The following RAPGEF2 variants were observed in gnomAD, a reference collection of about 807,000 sequenced individuals.
The protein encoded by RAPGEF2 is PDZ domain containing guanine nucleotide exchange factor (GEF) 1.
Under a neutral mutation model 186.7 loss-of-function variants are expected in RAPGEF2, and 54 were observed. The ratio of observed to expected loss-of-function variants is 0.29; its 90% CI spans 0.23 to 0.36. RAPGEF2 has a LOEUF of 0.36. Ranked by LOEUF, RAPGEF2 falls within the 10% of genes least tolerant of loss-of-function variation. The pLI is 1.00. For synonymous variants in RAPGEF2, 712 were observed against 705.9 expected (o/e 1.01, Z -0.14); for missense variants, 1,532 against 2,045.0 (o/e 0.75, Z 4.84).
In RAPGEF2 at chr4:159,345,181, T is replaced by C. The variant is rs1357713168; in HGVS notation, c.3354T>C (p.Arg1118=). The change falls in exon 24 of 30, where the codon CGT becomes CGC. Residue 1118 remains arginine, a synonymous_variant. Transcript: ENST00000691494. ...AQTGGHKKRV[R]RSSFLNAKKL... ...CAGGTGGTCATAAAAAGCGGGTACG[T>C]CGTAGTTCCTTTCTCAATGCCAAAA... 1 of 1,614,034 alleles carries C rather than the reference T, an allele frequency of 6.2e-7. No homozygotes were observed. Among genetic ancestry groups the C allele is most frequent in the East Asian group, 2.2e-5 (1 of 44,898 alleles).
chr4:159,110,505 G>T (rs1738380603), intron 1 of RAPGEF2, among the ~76,000 whole-genome samples: 3 of 152,170 alleles, frequency 2.0e-5, no homozygotes, highest in South Asian at 4.1e-4. Flanking sequence ...TTGAACCCTG[G>T]AGGCAGAGGT....
At chr4:159,215,168 T>C (rs976648219) in intron 4 of RAPGEF2, among the ~76,000 whole-genome samples, 1 of 151,202 alleles carries the variant, frequency 6.6e-6, no homozygotes, top group Non-Finnish European at 1.5e-5. Context: ...TTTTTTGTTG[T>C]TGTTGTTTGT....
chr4:159,345,026 A>G, intron 23 of RAPGEF2, 80 bp from the exon 24 acceptor site: 4 of 1,134,352 alleles, frequency 3.5e-6, no homozygotes, highest in East Asian at 4.7e-5. Flanking sequence ...TAGACTATTA[A>G]TATCAGTCTT....
At chr4:159,113,496 T>C (rs1056811593) in intron 1 of RAPGEF2, among the ~76,000 whole-genome samples, 1 of 152,132 alleles carries the variant, frequency 6.6e-6, no homozygotes, top group Admixed American at 6.5e-5. Context: ...ATCCCTGCAC[T>C]TTGGAAGACT....
chr4:159,137,413 G>A (rs1229808351), intron 1 of RAPGEF2, among the ~76,000 whole-genome samples: 1 of 152,096 alleles, frequency 6.6e-6, no homozygotes, highest in Non-Finnish European at 1.5e-5. Flanking sequence ...CTCTCCTCTT[G>A]TATAAGAACA....
intron 7 of RAPGEF2, among the ~76,000 whole-genome samples, chr4:159,304,116 C>T (rs1208146063): frequency 6.6e-6 from 1 of 152,060 alleles, no homozygotes; most frequent in African/African-American, 2.4e-5. Context: ...CTATTTAAGA[C>T]ATTGAATTTA....
intron 2 of RAPGEF2, among the ~76,000 whole-genome samples, chr4:159,190,455 A>G (rs937316226): frequency 6.6e-6 from 1 of 152,224 alleles, no homozygotes; most frequent in Non-Finnish European, 1.5e-5. Context: ...TGGAGGATGT[A>G]TTTTGGAAAC....
At chr4:159,331,600 G>A (rs375696327) in intron 14 of RAPGEF2, 30 bp from the exon 15 acceptor site, 52 of 1,612,686 alleles carry the variant, frequency 3.2e-5, no homozygotes, top group Non-Finnish European at 4.4e-5. Flanking sequence ...CTGTTCTTGA[G>A]TTGACACTAC....
At chr4:159,210,353 T>A in intron 3 of RAPGEF2, 147 bp from the exon 4 acceptor site, 3 of 535,824 alleles carry the variant, frequency 5.6e-6, no homozygotes, top group South Asian at 3.2e-5. Context: ...TTTCAGTAGT[T>A]GAATAATGGT....
intron 1 of RAPGEF2, among the ~76,000 whole-genome samples, chr4:159,106,413 TA>T (rs535533436): frequency 9.4e-5 from 14 of 149,380 alleles, no homozygotes; most frequent in African/African-American, 2.5e-4. Context: ...TCAAAAATTA[TA>T]AAAAAAAAAG....
At chr4:159,221,915 T>C (rs542277889) in intron 4 of RAPGEF2, among the ~76,000 whole-genome samples, 1 of 152,344 alleles carries the variant, frequency 6.6e-6, no homozygotes, top group South Asian at 2.1e-4. Flanking sequence ...AGGGAAACTT[T>C]AGCTACACTA....
Position 159,121,692 on chromosome 4 carries a change from G to A in RAPGEF2, c.69+17461G>A, listed in dbSNP as rs1266910904. 2.0e-5 allele frequency among the ~76,000 whole-genome samples: 3 copies of A among 151,798 alleles called. No individual in the cohort carries two copies. In the East Asian group the frequency reaches 5.8e-4, roughly 29 times the overall value. On this transcript the variant is annotated intron_variant, in intron 1 of 29. Coordinates refer to ENST00000691494, the MANE Select transcript of RAPGEF2 (RefSeq NM_001394067.2). ...ATATTAAAAAAATTTTTGGAGAATT[G>A]CCACAATTTGAAAAAACTTGCAAAT...
chr4:159,291,853 A>G (rs1761263624), intron 7 of RAPGEF2, among the ~76,000 whole-genome samples: 1 of 152,016 alleles, frequency 6.6e-6, no homozygotes, highest in Non-Finnish European at 1.5e-5. Flanking sequence ...GTTATGTGGA[A>G]TTACTGTTAA....
At chr4:159,306,127 G>A (rs557737508) in intron 8 of RAPGEF2, among the ~76,000 whole-genome samples, 15 of 147,398 alleles carry the variant, frequency 1.0e-4, no homozygotes, top group East Asian at 7.7e-4. Flanking sequence ...TTGTGATTAC[G>A]TATGAACTTT....
chr4:159,232,283 T>C (rs1316112622), intron 4 of RAPGEF2, among the ~76,000 whole-genome samples: 2 of 152,236 alleles, frequency 1.3e-5, no homozygotes, highest in East Asian at 3.8e-4. Context: ...CATTACGCTT[T>C]CCAAACTGCT....
chr4:159,175,699 T>C (rs1393160663), intron 1 of RAPGEF2, among the ~76,000 whole-genome samples: 1 of 152,162 alleles, frequency 6.6e-6, no homozygotes, highest in Non-Finnish European at 1.5e-5. Flanking sequence ...GGAAGGACGG[T>C]TGGTCCAGTC....
At chr4:159,161,291 T>TA (rs1744678903) in intron 1 of RAPGEF2, among the ~76,000 whole-genome samples, 1 of 152,264 alleles carries the variant, frequency 6.6e-6, no homozygotes, top group African/African-American at 2.4e-5. Flanking sequence ...GAAGAGATGT[T>TA]AACTGTGTTT....
intron 1 of RAPGEF2, among the ~76,000 whole-genome samples, chr4:159,178,551 C>CTTTTTTTTTTTTT (rs71589215): frequency 1.2e-4 from 9 of 75,470 alleles, no homozygotes; most frequent in Non-Finnish European, 1.6e-4. Context: ...ATGTATTATG[C>CTTTTTTTTTTTTT]TTTTTTTTTT....
chr4:159,308,111 C>A (rs1763526637), intron 8 of RAPGEF2, among the ~76,000 whole-genome samples: 1 of 152,194 alleles, frequency 6.6e-6, no homozygotes, highest in Non-Finnish European at 1.5e-5. Flanking sequence ...TGGTTATCAT[C>A]TGATTGTCTG....
Sources: allele counts gnomAD v4.1 joint callset (sites outside exome capture counted in the v4.1 genomes callset), GRCh38; gene constraint gnomAD v4.1.1; transcripts MANE v1.5; gene names NCBI Gene and HGNC (gene_info 2026-07-23, HGNC 2026-07-21).